Variants in ZSWIM5 observed in about 807,000 individuals in gnomAD.
ZSWIM5 encodes zinc finger SWIM-type containing 5, also known as zinc finger SWIM domain-containing protein 5.
ZSWIM5 carries 55 observed loss-of-function variants against 119.6 expected under a neutral mutation model. The observed-to-expected ratio is 0.46, with a 90% confidence interval of 0.37 to 0.58. The LOEUF is 0.58. Among genes scored for constraint, ZSWIM5 ranks in the 20% least tolerant of loss-of-function variants. The pLI is 0.00. For synonymous variants in ZSWIM5, 537 were observed against 606.9 expected, an observed-to-expected ratio of 0.88 and a Z score of 1.69; for missense variants, 1,193 against 1,512.8, an observed-to-expected ratio of 0.79 and a Z score of 3.51.
chr1:45,206,570 G>T lies in ZSWIM5; in HGVS notation c.-220C>A. On this transcript the variant is annotated 5_prime_UTR_variant, in exon 1 of 14. Coordinates refer to ENST00000359600, the MANE Select transcript of ZSWIM5 (RefSeq NM_020883.2). Reference sequence around the variant, plus strand: ...GGCGGCCTGCAGGGTAGCGTGAGGCGGCGCGCGGTGTCCTGGCCGCCGCGG... The same window carrying T: ...GGCGGCCTGCAGGGTAGCGTGAGGCTGCGCGCGGTGTCCTGGCCGCCGCGG... 1.0e-6 allele frequency: 1 copy of T among 991,410 alleles called. No individual in the cohort carries two copies. Among genetic ancestry groups the T allele is most frequent in the Non-Finnish European group, 1.2e-6 (1 of 833,592 alleles). 61.4% of individuals were successfully genotyped at this position (991,410 alleles called of 1,614,324 possible). A position where few individuals can be genotyped will look rare whatever the true frequency, so the allele number is the denominator to read the frequency against.
chr1:45,070,189 C>A (rs1171940198), intron 2 of ZSWIM5: 1 of 1,366,676 alleles, frequency 7.3e-7, no homozygotes. Flanking sequence ...ATATACTGTC[C>A]ATTTACTTTG....
At chr1:45,078,882 A>G (rs904512247) in intron 2 of ZSWIM5, among the ~76,000 whole-genome samples, 3 of 152,010 alleles carry the variant, frequency 2.0e-5, no homozygotes, top group Non-Finnish European at 4.4e-5. Context: ...TGGCACTCAA[A>G]CCACAAGACA....
intron 1 of ZSWIM5, among the ~76,000 whole-genome samples, chr1:45,160,062 C>T (rs918065835): frequency 1.3e-5 from 2 of 152,064 alleles, no homozygotes; most frequent in Non-Finnish European, 2.9e-5. Context: ...TAAACAAATG[C>T]TCTTTAAGGG....
chr1:45,121,689 T>C (rs984827112), intron 1 of ZSWIM5, among the ~76,000 whole-genome samples: 1 of 151,762 alleles, frequency 6.6e-6, no homozygotes, highest in Non-Finnish European at 1.5e-5. Flanking sequence ...GGCCCTGAAT[T>C]TCTGGGCTCA....
At chr1:45,037,325 G>C (rs1023429951) in intron 8 of ZSWIM5, among the ~76,000 whole-genome samples, 1 of 151,966 alleles carries the variant, frequency 6.6e-6, no homozygotes, top group African/African-American at 2.4e-5. Flanking sequence ...TGGCCAGGCT[G>C]GTCTCCAACT....
At chr1:45,091,493 A>T (rs1432553262) in intron 1 of ZSWIM5, among the ~76,000 whole-genome samples, 4 of 14,990 alleles carry the variant, frequency 2.7e-4, no homozygotes, top group South Asian at 2.6e-3. Context: ...CCTGTCTCTA[A>T]AAAAAAAAAA....
Position 45,072,944 on chromosome 1 carries a change from GT to G in ZSWIM5, c.953-12698del, listed in dbSNP as rs1399838137. Among the ~76,000 whole-genome samples the G allele has an allele frequency of 6.6e-6, 1 of 151,844 alleles. No individual in the cohort carries two copies. The highest frequency in any genetic ancestry group is 1.5e-5 in the Non-Finnish European group (1 of 67,982). On this transcript the variant is annotated intron_variant, in intron 2 of 13. Transcript: ENST00000359600. This position sits in a 1 kb window ranked among gnomAD's most constrained non-coding sequence, Gnocchi z 4.1. ...TAGCAAAAAACAATTTTAGAATTGT[GT>G]TTTCTATTTCTGTGAAGAATGTCAT...
At chr1:45,179,581 G>GC (rs751148119) in intron 1 of ZSWIM5, among the ~76,000 whole-genome samples, 18 of 152,040 alleles carry the variant, frequency 1.2e-4, no homozygotes, top group East Asian at 5.8e-4. Flanking sequence ...CTGCACATGT[G>GC]CCCCCCCAAT....
chr1:45,160,052 T>C (rs1408119852), intron 1 of ZSWIM5, among the ~76,000 whole-genome samples: 1 of 152,214 alleles, frequency 6.6e-6, no homozygotes, highest in Non-Finnish European at 1.5e-5. Context: ...GTGACTCAAA[T>C]AAACAAATGC....
intron 1 of ZSWIM5, among the ~76,000 whole-genome samples, chr1:45,190,260 G>A (rs898013879): frequency 6.6e-6 from 1 of 152,156 alleles, no homozygotes; most frequent in African/African-American, 2.4e-5. Context: ...GGAAGCTGGA[G>A]ATTGCAGTGA....
chr1:45,112,716 G>C (rs1240126856), intron 1 of ZSWIM5, among the ~76,000 whole-genome samples: 1 of 152,162 alleles, frequency 6.6e-6, no homozygotes, highest in Non-Finnish European at 1.5e-5. Context: ...CTATGCCTAT[G>C]GAATTGCTAC....
At position 45,051,079 on chromosome 1, in the gene ZSWIM5, C is replaced by T. The variant is rs745980230; in HGVS notation, c.1427G>A (p.Ser476Asn). 2 of 1,612,720 alleles carry T rather than the reference C, an allele frequency of 1.2e-6. No individual in the cohort carries two copies. Among genetic ancestry groups the T allele is most frequent in the East Asian group, 4.5e-5 (2 of 44,802 alleles). Residue 476 changes from serine to asparagine, a missense_variant, in exon 5 of 14, where the codon AGC becomes AAC. Physicochemically the swap from Ser to Asn is conservative, Grantham distance 46. This residue lies in a region of ZSWIM5 where 961 missense variants were observed against 1,290.0 expected (regional missense o/e 0.74). Coordinates refer to ENST00000359600, the MANE Select transcript of ZSWIM5 (RefSeq NM_020883.2). ...TAAAAGGACACTTGGCTCACCTGGGCTGTGAATGGCACTCTGGGGAAGTGC... is the reference window on the plus strand; with the variant it reads ...TAAAAGGACACTTGGCTCACCTGGGTTGTGAATGGCACTCTGGGGAAGTGC... ...TNALPQSAIH[S>N]PDSLSRPRRT...
At chr1:45,147,511 A>G (rs568072057) in intron 1 of ZSWIM5, among the ~76,000 whole-genome samples, 1 of 150,454 alleles carries the variant, frequency 6.6e-6, no homozygotes, top group African/African-American at 2.4e-5. Flanking sequence ...GCAGAACACA[A>G]CTGTACATTC....
chr1:45,115,305 C>T lies in ZSWIM5; in HGVS notation c.596-27068G>A, dbSNP rs552622463. Among the ~76,000 whole-genome samples, 242 of 151,896 alleles carry T rather than the reference C, an allele frequency of 1.6e-3. 1 individual carries two copies. The highest frequency in any genetic ancestry group is 0.014 in the Admixed American group (212 of 15,294). ...CCCCCCACCTCCCTCCTGGATGGGG[C>T]GGCTGGCCGGGTGGAGACGCTCCTC... On this transcript the variant is annotated intron_variant, in intron 1 of 13. Coordinates refer to ENST00000359600, the MANE Select transcript of ZSWIM5 (RefSeq NM_020883.2).
intron 1 of ZSWIM5, among the ~76,000 whole-genome samples, chr1:45,196,983 C>G (rs1646129472): frequency 1.3e-5 from 2 of 152,156 alleles, no homozygotes; most frequent in South Asian, 4.1e-4. Context: ...AGAACCCACA[C>G]CTCTGCTTAA....
intron 1 of ZSWIM5, among the ~76,000 whole-genome samples, chr1:45,107,492 A>T (rs1197301841): frequency 6.6e-6 from 1 of 151,750 alleles, no homozygotes; most frequent in Non-Finnish European, 1.5e-5. Flanking sequence ...ATACAAAAAA[A>T]TTAGCCGGGC....
intron 2 of ZSWIM5, chr1:45,070,362 G>A: frequency 1.4e-6 from 2 of 1,424,088 alleles, no homozygotes; most frequent in Non-Finnish European, 2.0e-6. Flanking sequence ...GGGCAGCCAG[G>A]GTGGCTTCTT....
intron 1 of ZSWIM5, among the ~76,000 whole-genome samples, chr1:45,134,111 T>C (rs1326052026): frequency 1.3e-5 from 2 of 152,168 alleles, no homozygotes; most frequent in South Asian, 2.1e-4. Context: ...TTTGGTTCCA[T>C]ATGAACTTTA....
intron 2 of ZSWIM5, among the ~76,000 whole-genome samples, chr1:45,076,478 G>A (rs766086756): frequency 3.3e-5 from 5 of 152,082 alleles, no homozygotes; most frequent in Admixed American, 1.3e-4. Context: ...GAAGTCTGCT[G>A]CCAGACTCCA....
Sources: allele counts gnomAD v4.1 joint callset (sites outside exome capture counted in the v4.1 genomes callset), GRCh38; gene constraint gnomAD v4.1.1; regional missense constraint gnomAD v4.1.1; non-coding constraint Gnocchi (gnomAD v3.1); transcripts MANE v1.5; gene names NCBI Gene and HGNC (gene_info 2026-07-23, HGNC 2026-07-21).